The following ABCB9 variants were observed in gnomAD, a reference collection of about 807,000 sequenced individuals.
ABCB9 encodes the protein ABC-type oligopeptide transporter ABCB9.
ABCB9 carries 36 observed loss-of-function variants against 62.0 expected under a neutral mutation model. The ratio of observed to expected loss-of-function variants is 0.58; its 90% CI spans 0.45 to 0.77. The LOEUF is 0.77. Ranked by LOEUF, ABCB9 falls within the 30% of genes least tolerant of loss-of-function variation. The pLI is 0.00. For missense variants in ABCB9, 943 were observed against 1,054.7 expected, an observed-to-expected ratio of 0.89 and a Z score of 1.47; for synonymous variants, 435 against 461.4, an observed-to-expected ratio of 0.94 and a Z score of 0.73.
chr12:122,929,302 A>G lies in ABCB9; in HGVS notation c.*609T>C. The G allele has an allele frequency of 1.0e-6, 1 of 985,926 alleles. No individual in the cohort carries two copies. Among genetic ancestry groups the G allele is most frequent in the African/African-American group, 1.7e-5 (1 of 57,352 alleles). 61.1% of individuals were successfully genotyped at this position (985,926 alleles called of 1,614,324 possible). A position where few individuals can be genotyped will look rare whatever the true frequency, so the allele number is the denominator to read the frequency against. On this transcript the variant is annotated 3_prime_UTR_variant, in exon 12 of 12. Coordinates refer to ENST00000280560, the MANE Select transcript of ABCB9 (RefSeq NM_019625.4). This position sits in a 1 kb window ranked among gnomAD's most constrained non-coding sequence, Gnocchi z 6.0. ...GAGGTTTCGTGTGGTTCACAGTGAG[A>G]CTGGCTTAGATTGGCAGCGGGCGAT... is the stretch of plus-strand genomic sequence containing the variant.
downstream of ABCB9, among the ~76,000 whole-genome samples, chr12:122,925,147 G>A (rs11609798): frequency 7.9e-5 from 12 of 151,890 alleles, no homozygotes; most frequent in African/African-American, 1.7e-4. Flanking sequence ...TCTTGAACTC[G>A]TGGGCTCAAG....
At chr12:122,945,753 C>A (rs1292694513) in intron 6 of ABCB9, among the ~76,000 whole-genome samples, 1 of 152,002 alleles carries the variant, frequency 6.6e-6, no homozygotes, top group Non-Finnish European at 1.5e-5. Context: ...TGGCGGGCGC[C>A]TGTGGTCCCA....
At chr12:122,928,597 C>T (rs1026915355), downstream of ABCB9, among the ~76,000 whole-genome samples, 1 of 152,232 alleles carries the variant, frequency 6.6e-6, no homozygotes, top group Non-Finnish European at 1.5e-5. Flanking sequence ...TGTCCGGGCC[C>T]AAACCTCCCT....
chr12:122,948,905 T>A, intron 4 of ABCB9, 76 bp from the exon 5 acceptor site: 1 of 1,271,082 alleles, frequency 7.9e-7, no homozygotes, highest in Non-Finnish European at 1.0e-6. Context: ...CTAAGGGGCC[T>A]CTGAGACAGA....
intron 1 of ABCB9, among the ~76,000 whole-genome samples, chr12:122,963,255 G>A (rs61213921): frequency 5.9e-5 from 9 of 152,142 alleles, no homozygotes; most frequent in Admixed American, 1.3e-4. Flanking sequence ...CCGAGATTGC[G>A]CCACTGCACT....
chr12:122,973,602 A>AAAAAAAAC (rs1258035895), intron 1 of ABCB9, among the ~76,000 whole-genome samples: 14 of 143,770 alleles, frequency 9.7e-5, no homozygotes, highest in Non-Finnish European at 2.1e-4. Context: ...AAAAAAAAAA[A>AAAAAAAAC]AAAAAAACAA....
intron 2 of ABCB9, among the ~76,000 whole-genome samples, chr12:122,954,576 TC>T (rs1362647893): frequency 6.6e-6 from 1 of 152,122 alleles, no homozygotes; most frequent in Non-Finnish European, 1.5e-5. Context: ...CACTGCAACC[TC>T]CACCTCCCAG....
intron 1 of ABCB9, chr12:122,974,549 G>C (rs1388251218): frequency 6.6e-6 from 1 of 152,252 alleles, no homozygotes; most frequent in African/African-American, 2.4e-5. Flanking sequence ...AGATTCCTGA[G>C]CAAAGGTCCG....
At chr12:122,924,182 G>A (rs1017315089), downstream of ABCB9, among the ~76,000 whole-genome samples, 4 of 152,210 alleles carry the variant, frequency 2.6e-5, no homozygotes, top group Non-Finnish European at 5.9e-5. Flanking sequence ...CCAGACGAAG[G>A]CAGCAGCAGG....
Position 122,932,449 on chromosome 12 carries a change from C to T in ABCB9, c.1904-121G>A. ...CGGGCTGGAACCCACAACTTGAAAG[C>T]TCATGAAATGATGTTCCCCCCACCC... On this transcript the variant is annotated intron_variant, in intron 10 of 11. Transcript: ENST00000280560. This position sits in a 1 kb window ranked among gnomAD's most constrained non-coding sequence, Gnocchi z 4.7. 7.5e-7 allele frequency: 1 copy of T among 1,325,276 alleles called. No homozygotes were observed. The highest frequency in any genetic ancestry group is 1.0e-6 in the Non-Finnish European group (1 of 995,178). 82.1% of individuals were successfully genotyped at this position (1,325,276 alleles called of 1,614,324 possible).
chr12:122,950,561 C>T lies in ABCB9; in HGVS notation c.606G>A (p.Glu202=). The T allele has an allele frequency of 1.2e-6, 2 of 1,611,654 alleles. No homozygotes were observed. Among genetic ancestry groups the T allele is most frequent in the Non-Finnish European group, 1.7e-6 (2 of 1,179,758 alleles). ...GGCCCGTGTAGTAGGGCAGGAAGGT[C>T]TCTCCTGGGGGAGGCAGGGCAGCCT... ...SFFLIVAALG[E]TFLPYYTGRA... The change falls in exon 3 of 12, where the codon GAG becomes GAA. Residue 202 remains glutamate (E), a synonymous_variant. Coordinates refer to ENST00000280560, the MANE Select transcript of ABCB9 (RefSeq NM_019625.4).
At chr12:122,972,001 T>C (rs143459688) in intron 1 of ABCB9, among the ~76,000 whole-genome samples, 146 of 149,668 alleles carry the variant, frequency 9.8e-4, no homozygotes, top group African/African-American at 3.4e-3. Context: ...GTTATCATAA[T>C]AAAAAGAATG....
upstream of ABCB9, among the ~76,000 whole-genome samples, chr12:122,968,786 T>C (rs1476639843): frequency 1.3e-5 from 2 of 152,094 alleles, no homozygotes; most frequent in East Asian, 3.9e-4. Flanking sequence ...GGCTGACTTT[T>C]GTACTTTTAG....
rs912352919 is a variant in ABCB9, at chr12:122,964,182, G to A, written c.-88+2105C>T. Reference sequence around the variant, plus strand: ...CAGAAGTGGAACAGGAGGCAGATCCGCAAGAGACTCAAAACCTGGACAGCA... The same window carrying A: ...CAGAAGTGGAACAGGAGGCAGATCCACAAGAGACTCAAAACCTGGACAGCA... On this transcript the variant is annotated intron_variant, in intron 1 of 11. Transcript: ENST00000280560. The surrounding 1 kb of genome is among the most constrained non-coding windows in gnomAD (Gnocchi z 4.7). Among the ~76,000 whole-genome samples the A allele has an allele frequency of 9.2e-5, 14 of 152,142 alleles. No homozygotes were observed. The highest frequency in any genetic ancestry group is 3.4e-4 in the African/African-American group (14 of 41,402).
intron 10 of ABCB9, among the ~76,000 whole-genome samples, chr12:122,934,017 G>A (rs991421563): frequency 3.7e-4 from 56 of 152,288 alleles, no homozygotes; most frequent in Non-Finnish European, 4.4e-4. Flanking sequence ...GCCAAGGCAG[G>A]CAGATCACCT....
Position 122,929,789 on chromosome 12 carries a change from A to G in ABCB9, c.*122T>C, listed in dbSNP as rs1273289750. On this transcript the variant is annotated 3_prime_UTR_variant, in exon 12 of 12. Transcript: ENST00000280560. This position sits in a 1 kb window ranked among gnomAD's most constrained non-coding sequence, Gnocchi z 6.0. ...TGCAGGAAGCGGTGATCCATGGGAC[A>G]TGGCAGGTCGTCTTTCAGTGCTGCA... 4.2e-6 allele frequency: 6 copies of G among 1,426,930 alleles called. No homozygotes were observed. In the East Asian group the frequency reaches 1.0e-4, roughly 24 times the overall value. The allele number at this position is 1,426,930 out of a possible 1,614,324, so 88.4% of individuals were successfully genotyped here. A position where few individuals can be genotyped will look rare whatever the true frequency, so the allele number is the denominator to read the frequency against.
intron 1 of ABCB9, among the ~76,000 whole-genome samples, chr12:122,961,293 TTC>T (rs1489509450): frequency 6.6e-6 from 1 of 152,046 alleles, no homozygotes; most frequent in African/African-American, 2.4e-5. Context: ...GTTCAAGCGA[TTC>T]TCCTGCCTCA....
At chr12:122,934,308 A>G (rs1197337158) in intron 10 of ABCB9, among the ~76,000 whole-genome samples, 2 of 152,194 alleles carry the variant, frequency 1.3e-5, no homozygotes, top group African/African-American at 4.8e-5. Context: ...TTCCTAAGGG[A>G]AAATTTTTAT....
chr12:122,970,342 G>A (rs1009181984), upstream of ABCB9, among the ~76,000 whole-genome samples: 4 of 152,140 alleles, frequency 2.6e-5, no homozygotes, highest in African/African-American at 9.7e-5. Context: ...CCACCTCCTA[G>A]GCTCCAGTGA....
Sources: allele counts gnomAD v4.1 joint callset (sites outside exome capture counted in the v4.1 genomes callset), GRCh38; gene constraint gnomAD v4.1.1; non-coding constraint Gnocchi (gnomAD v3.1); transcripts MANE v1.5; gene names NCBI Gene and HGNC (gene_info 2026-07-23, HGNC 2026-07-21).